The following TTC6 variants were observed in gnomAD, a reference collection of about 807,000 sequenced individuals.
TTC6 encodes the protein tetratricopeptide repeat domain 6, also known as tetratricopeptide repeat protein 6.
Under a neutral mutation model 210.4 loss-of-function variants are expected in TTC6, and 172 were observed. The ratio of observed to expected loss-of-function variants is 0.82; its 90% CI spans 0.72 to 0.93. The LOEUF (loss-of-function observed/expected upper bound fraction) is 0.93, where lower values mean the gene tolerates loss of function less well. TTC6 is among the 40% of genes least tolerant of loss of function. The pLI, the probability that TTC6 is intolerant of heterozygous loss-of-function variation, is 0.00. For synonymous variants in TTC6, 804 were observed against 819.6 expected, an observed-to-expected ratio of 0.98 and a Z score of 0.32; for missense variants, 2,414 against 2,318.1, an observed-to-expected ratio of 1.04 and a Z score of -0.85.
intron 7 of TTC6, among the ~76,000 whole-genome samples, chr14:37,731,665 G>A (rs1006887849): frequency 6.6e-5 from 10 of 152,200 alleles, no homozygotes; most frequent in Admixed American, 3.9e-4. Context: ...TTTCAGTAAC[G>A]AACTGAGCTA....
At chr14:37,631,555 CA>C (rs1019502081) in intron 1 of TTC6, among the ~76,000 whole-genome samples, 3 of 152,154 alleles carry the variant, frequency 2.0e-5, no homozygotes, top group African/African-American at 2.4e-5. Context: ...TTTTTTCCTT[CA>C]TTTCAACCTT....
chr14:37,778,781 G>A (rs2096045994), intron 14 of TTC6, among the ~76,000 whole-genome samples: 1 of 152,136 alleles, frequency 6.6e-6, no homozygotes. Context: ...TGCACTATGA[G>A]CAGGTGTGGC....
At chr14:37,742,460 A>G (rs879442245) in intron 10 of TTC6, among the ~76,000 whole-genome samples, 7 of 151,420 alleles carry the variant, frequency 4.6e-5, no homozygotes, top group Non-Finnish European at 8.8e-5. Context: ...CCCAGACTGG[A>G]GTGCAATGGT....
At chr14:37,821,107 G>T (rs2096155975) in intron 26 of TTC6, among the ~76,000 whole-genome samples, 1 of 145,670 alleles carries the variant, frequency 6.9e-6, no homozygotes, top group South Asian at 2.2e-4. Flanking sequence ...TTACTCTGTT[G>T]CCCAGGCTGG....
At position 37,598,362 on chromosome 14, in the gene TTC6, G is replaced by C. The variant is rs2095608544; in HGVS notation, c.-235+2354G>C. On this transcript the variant is annotated intron_variant, in intron 1 of 2. Coordinates refer to the TTC6 transcript ENST00000556845. The surrounding 1 kb of genome is among the most constrained non-coding windows in gnomAD (Gnocchi z 4.9). The stretch of plus-strand genomic sequence containing the variant: ...GGCGGTCCAGGTCGCGGGGAGGGCG[G>C]GCTCCTCAAGTGGGGGATCCGCGGC... 6.6e-6 allele frequency among the ~76,000 whole-genome samples: 1 copy of C among 152,144 alleles called. No homozygotes were observed. Among genetic ancestry groups the C allele is most frequent in the Non-Finnish European group, 1.5e-5 (1 of 68,022 alleles).
At chr14:37,656,533 G>A (rs2095723640) in intron 1 of TTC6, among the ~76,000 whole-genome samples, 1 of 151,642 alleles carries the variant, frequency 6.6e-6, no homozygotes, top group Non-Finnish European at 1.5e-5. Context: ...GTGTGTGTGT[G>A]TGTGTGTGCG....
At chr14:37,840,360 C>A (rs1276325853) in intron 29 of TTC6, among the ~76,000 whole-genome samples, 1 of 152,020 alleles carries the variant, frequency 6.6e-6, no homozygotes, top group Non-Finnish European at 1.5e-5. Context: ...AGCCTACCAA[C>A]CAAAAAAAAT....
intron 1 of TTC6, among the ~76,000 whole-genome samples, chr14:37,637,666 G>T (rs555596334): frequency 6.6e-6 from 1 of 152,164 alleles, no homozygotes; most frequent in South Asian, 2.1e-4. Context: ...ATAGGCAAAA[G>T]ACATGAACAG....
At position 37,749,186 on chromosome 14, in the gene TTC6, C is replaced by T. The variant is rs1357399736; in HGVS notation, c.2611C>T (p.Pro871Ser). The change falls in exon 11 of 31, where the codon CCT becomes TCT. Residue 871 changes from proline (P) to serine (S), a missense_variant. Transcript: ENST00000553443. Reference sequence around the variant, plus strand: ...TAAAATATCAGTTCCTGAAGACCCACCTGAAAGAGTGAAAGAACCACCAAA... The same window carrying T: ...TAAAATATCAGTTCCTGAAGACCCATCTGAAAGAGTGAAAGAACCACCAAA... The T allele has an allele frequency of 2.6e-6, 4 of 1,533,270 alleles. No individual in the cohort carries two copies. The African/African-American group carries it at 5.5e-5, about 21-fold the overall frequency. The allele number at this position is 1,533,270 out of a possible 1,614,324, so 95.0% of individuals were successfully genotyped here.
intron 10 of TTC6, among the ~76,000 whole-genome samples, chr14:37,746,640 G>A (rs1264055625): frequency 6.6e-6 from 1 of 152,150 alleles, no homozygotes; most frequent in Non-Finnish European, 1.5e-5. Context: ...CCAACCCAAG[G>A]TCACCTCCAT....
At chr14:37,781,102 T>C (rs572446884) in intron 14 of TTC6, among the ~76,000 whole-genome samples, 7 of 152,340 alleles carry the variant, frequency 4.6e-5, no homozygotes, top group African/African-American at 1.7e-4. Context: ...TGTGCATGTG[T>C]CTTTATCATA....
In TTC6 at chr14:37,635,546, C is replaced by T. The variant is rs375832249; in HGVS notation, c.939+12543C>T. On this transcript the variant is annotated intron_variant, in intron 1 of 30. Coordinates refer to ENST00000553443, the Ensembl canonical transcript of TTC6. ...ATATGACTCAATGATATATTGTCTA[C>T]GAGAAATGTTTTTCCAATATGATGA... 4.4e-4 allele frequency among the ~76,000 whole-genome samples: 67 copies of T among 152,132 alleles called. 1 individual carries two copies. In the South Asian group the frequency reaches 0.011, roughly 26 times the overall value.
At chr14:37,781,750 A>G (rs968443588) in intron 14 of TTC6, among the ~76,000 whole-genome samples, 1 of 152,122 alleles carries the variant, frequency 6.6e-6, no homozygotes, top group Admixed American at 6.5e-5. Flanking sequence ...TAGGATTTTT[A>G]TGCTTTTAGG....
chr14:37,729,886 AG>A (rs2095881539), intron 7 of TTC6, among the ~76,000 whole-genome samples: 1 of 152,158 alleles, frequency 6.6e-6, no homozygotes, highest in African/African-American at 2.4e-5. Context: ...AGGGAGTTGA[AG>A]GTAGGCAAAA....
chr14:37,713,008 T>C (rs1323853572), intron 5 of TTC6, among the ~76,000 whole-genome samples: 3 of 152,186 alleles, frequency 2.0e-5, no homozygotes, highest in Non-Finnish European at 4.4e-5. Context: ...AGGGTGCTGC[T>C]GTTCCTGACA....
chr14:37,782,234 C>T (rs1327302044), intron 14 of TTC6, among the ~76,000 whole-genome samples: 3 of 152,040 alleles, frequency 2.0e-5, no homozygotes, highest in Admixed American at 6.6e-5. Flanking sequence ...ACCATTTTCA[C>T]GATATTGATT....
chr14:37,727,463 T>C (rs1240288189), intron 7 of TTC6, among the ~76,000 whole-genome samples: 1 of 151,764 alleles, frequency 6.6e-6, no homozygotes, highest in Non-Finnish European at 1.5e-5. Context: ...CTGGCTAATT[T>C]TTTGTATTTT....
intron 2 of TTC6, chr14:37,611,310 G>A (rs998547372): frequency 2.6e-5 from 4 of 152,228 alleles, no homozygotes; most frequent in Admixed American, 2.0e-4. Context: ...GCCGAGCGGC[G>A]GGGCCAAGCT....
At chr14:37,701,520 C>A in exon 5 of TTC6, 1 of 1,461,624 alleles carries the variant, frequency 6.8e-7, no homozygotes, top group Non-Finnish European at 9.0e-7. Context: ...GAAGAACAAA[C>A]AGATAGGTAA....
Sources: allele counts gnomAD v4.1 joint callset (sites outside exome capture counted in the v4.1 genomes callset), GRCh38; gene constraint gnomAD v4.1.1; non-coding constraint Gnocchi (gnomAD v3.1); transcripts MANE v1.5; gene names NCBI Gene and HGNC (gene_info 2026-07-23, HGNC 2026-07-21).